Variants in RBMS1 observed in about 807,000 individuals in gnomAD.
RBMS1 encodes the protein RNA-binding motif, single-stranded-interacting protein 1.
RBMS1 carries 17 observed loss-of-function variants against 62.3 expected under a neutral mutation model. The ratio of observed to expected loss-of-function variants is 0.27; its 90% CI spans 0.19 to 0.41. The LOEUF (loss-of-function observed/expected upper bound fraction) is 0.41. RBMS1 is among the 10% of genes least tolerant of loss of function. The pLI is 1.00. For synonymous variants in RBMS1, 172 were observed against 170.0 expected, an observed-to-expected ratio of 1.01 and a Z score of -0.09; for missense variants, 334 against 504.5, an observed-to-expected ratio of 0.66 and a Z score of 3.24.
Position 160,367,321 on chromosome 2 carries a change from C to T in RBMS1, c.146G>A (p.Ser49Asn). Reference sequence around the variant, plus strand: ...ATCCCATCCTGAGTTGCTACTGCTGCTACTGTTGTTATTACTGCTGGTGGT... The same window carrying T: ...ATCCCATCCTGAGTTGCTACTGCTGTTACTGTTGTTATTACTGCTGGTGGT... ...PSTTSSNNNS[S>N]SSSNSGWDQL... is the part of the protein sequence containing the mutation. The change falls in exon 2 of 14, where the codon AGC (serine) becomes AAC (asparagine). Residue 49 changes from serine to asparagine, a missense_variant. Physicochemically the swap from Ser to Asn is conservative, Grantham distance 46 (BLOSUM62 1). Transcript: ENST00000348849. The T allele has an allele frequency of 6.2e-7, 1 of 1,612,770 alleles. No homozygotes were observed. Among genetic ancestry groups the T allele is most frequent in the Non-Finnish European group, 8.5e-7 (1 of 1,179,322 alleles).
chr2:160,450,563 T>TACAA (rs71006605), intron 1 of RBMS1, among the ~76,000 whole-genome samples: 1 of 122,384 alleles, frequency 8.2e-6, no homozygotes, highest in Non-Finnish European at 1.6e-5. Flanking sequence ...AAATAAAAAA[T>TACAA]GAAAAAAAAA....
intron 1 of RBMS1, among the ~76,000 whole-genome samples, chr2:160,394,200 T>G (rs1294950297): frequency 2.0e-5 from 3 of 152,180 alleles, no homozygotes; most frequent in African/African-American, 4.8e-5. Flanking sequence ...GATTACCTAT[T>G]ATAACAAAGG....
At chr2:160,426,288 AGAAAAGAAAGAAG>A (rs1574043793) in intron 1 of RBMS1, among the ~76,000 whole-genome samples, 331 of 114,912 alleles carry the variant, frequency 2.9e-3, no homozygotes, top group African/African-American at 8.4e-3. Context: ...AAAGAAAGAA[AGAAAAGAAAGAAG>A]GAAGGAAGGA....
intron 2 of RBMS1, among the ~76,000 whole-genome samples, chr2:160,325,133 T>C (rs1027465982): frequency 6.6e-6 from 1 of 151,972 alleles, no homozygotes; most frequent in Non-Finnish European, 1.5e-5. Context: ...CTATGGAAAC[T>C]TGGGTCACCA....
intron 1 of RBMS1, among the ~76,000 whole-genome samples, chr2:160,369,400 C>T (rs1573945394): frequency 6.6e-6 from 1 of 152,354 alleles, no homozygotes; most frequent in East Asian, 1.9e-4. Context: ...TGAGTTGCTA[C>T]CTGCCATCCA....
chr2:160,392,888 C>A (rs1694938856), intron 1 of RBMS1, among the ~76,000 whole-genome samples: 1 of 151,864 alleles, frequency 6.6e-6, no homozygotes, highest in Non-Finnish European at 1.5e-5. Context: ...CAGAGCAAGA[C>A]CCTGTCTCAA....
At chr2:160,334,262 C>T (rs1424903879) in intron 2 of RBMS1, among the ~76,000 whole-genome samples, 2 of 152,096 alleles carry the variant, frequency 1.3e-5, no homozygotes, top group Non-Finnish European at 1.5e-5. Flanking sequence ...TATGAGCTAA[C>T]AGAAGGAGAA....
At chr2:160,364,438 G>C (rs560413114) in intron 2 of RBMS1, among the ~76,000 whole-genome samples, 1 of 152,276 alleles carries the variant, frequency 6.6e-6, no homozygotes, top group South Asian at 2.1e-4. Flanking sequence ...TGACAGCACT[G>C]TCACCACCCT....
chr2:160,374,945 G>A (rs924663089), intron 1 of RBMS1, among the ~76,000 whole-genome samples: 2 of 151,602 alleles, frequency 1.3e-5, no homozygotes. Context: ...GGGGGACGGT[G>A]GGGGGGAGGA....
In RBMS1 at chr2:160,493,542, T is replaced by TCTTCC. The variant is rs1685961617; in HGVS notation, c.-180_-179insGGAAG. 1.8e-5 allele frequency: 9 copies of TCTTCC among 494,928 alleles called. No homozygotes were observed. Among genetic ancestry groups the TCTTCC allele is most frequent in the African/African-American group, 1.5e-4 (6 of 39,336 alleles). 30.7% of individuals were successfully genotyped at this position (494,928 alleles called of 1,614,324 possible). A position where few individuals can be genotyped will look rare whatever the true frequency, so the allele number is the denominator to read the frequency against. On this transcript the variant is annotated 5_prime_UTR_variant, in exon 1 of 14. Transcript: ENST00000348849. ...AGACGTCCTCCTCCTCCTCCTCCTC[T>TCTTCC]TCCTCCTCCTCCTCCTCCTCCTCCT...
Position 160,493,545 on chromosome 2 carries a change from C to CTCCTCCTCCTCT in RBMS1, c.-183_-182insAGAGGAGGAGGA. Reference sequence around the variant, plus strand: ...CGTCCTCCTCCTCCTCCTCCTCTTCCTCCTCCTCCTCCTCCTCCTCCTCCT... The same window carrying CTCCTCCTCCTCT: ...CGTCCTCCTCCTCCTCCTCCTCTTCCTCCTCCTCCTCTTCCTCCTCCTCCTCCTCCTCCTCCT... On this transcript the variant is annotated 5_prime_UTR_variant, in exon 1 of 14. Transcript: ENST00000348849. 2.7e-6 allele frequency: 1 copy of CTCCTCCTCCTCT among 375,968 alleles called. No individual in the cohort carries two copies. The highest frequency in any genetic ancestry group is 4.9e-6 in the Non-Finnish European group (1 of 203,536). 23.3% of individuals were successfully genotyped at this position (375,968 alleles called of 1,614,324 possible).
At chr2:160,469,049 C>T (rs1292350666) in intron 1 of RBMS1, among the ~76,000 whole-genome samples, 1 of 152,210 alleles carries the variant, frequency 6.6e-6, no homozygotes, top group Non-Finnish European at 1.5e-5. Context: ...CCTCCAAAGA[C>T]AGAGCCACTT....
chr2:160,343,174 C>T (rs1381783251), intron 2 of RBMS1, among the ~76,000 whole-genome samples: 1 of 152,156 alleles, frequency 6.6e-6, no homozygotes, highest in African/African-American at 2.4e-5. Flanking sequence ...CTGCAGAGTT[C>T]TCAAAGATTC....
At chr2:160,421,188 T>G (rs1482281723) in intron 1 of RBMS1, among the ~76,000 whole-genome samples, 1 of 151,996 alleles carries the variant, frequency 6.6e-6, no homozygotes, top group Non-Finnish European at 1.5e-5. Context: ...GGTACATGTG[T>G]ACAACGTGCA....
intron 1 of RBMS1, among the ~76,000 whole-genome samples, chr2:160,469,694 G>A (rs145391149): frequency 6.6e-6 from 1 of 152,130 alleles, no homozygotes; most frequent in Non-Finnish European, 1.5e-5. Context: ...TCAAACAAGC[G>A]TATCAACGCA....
chr2:160,307,923 T>C (rs1009185682), intron 4 of RBMS1, among the ~76,000 whole-genome samples: 4 of 152,164 alleles, frequency 2.6e-5, no homozygotes, highest in Admixed American at 6.5e-5. Flanking sequence ...AGGTACCCAG[T>C]ATGTCAAACA....
At chr2:160,353,285 CTTA>C (rs1258754326) in intron 2 of RBMS1, among the ~76,000 whole-genome samples, 3 of 152,064 alleles carry the variant, frequency 2.0e-5, no homozygotes, top group African/African-American at 7.2e-5. Context: ...GACTAGTTCT[CTTA>C]AACATGTCAG....
At chr2:160,459,954 T>C (rs984547394) in intron 1 of RBMS1, among the ~76,000 whole-genome samples, 6 of 152,220 alleles carry the variant, frequency 3.9e-5, no homozygotes, top group Non-Finnish European at 8.8e-5. Context: ...GGAGGATTTA[T>C]GACTTTTCCT....
At chr2:160,283,089 C>T (rs1688186870) in intron 9 of RBMS1, 1 of 152,012 alleles carries the variant, frequency 6.6e-6, no homozygotes, top group Non-Finnish European at 1.5e-5. Context: ...GTTCTGTGGC[C>T]AAATGCACAC....
Sources: allele counts gnomAD v4.1 joint callset (sites outside exome capture counted in the v4.1 genomes callset), GRCh38; gene constraint gnomAD v4.1.1; transcripts MANE v1.5; gene names NCBI Gene and HGNC (gene_info 2026-07-23, HGNC 2026-07-21).